The following MAN1A2 variants were observed in gnomAD, a reference collection of about 807,000 sequenced individuals.
MAN1A2 encodes the protein mannosyl-oligosaccharide 1,2-alpha-mannosidase IB.
In MAN1A2, 26 loss-of-function variants were observed where a neutral mutation model predicts 75.7. The ratio of observed to expected loss-of-function variants is 0.34; its 90% CI spans 0.25 to 0.48. MAN1A2 has a LOEUF of 0.48. Ranked by LOEUF, MAN1A2 falls within the 20% of genes least tolerant of loss-of-function variation. The pLI, the probability that MAN1A2 is intolerant of heterozygous loss-of-function variation, is 0.99. For synonymous variants in MAN1A2, 247 were observed against 264.6 expected (o/e 0.93, Z 0.65); for missense variants, 562 against 775.5 (o/e 0.72, Z 3.27).
intron 1 of MAN1A2, among the ~76,000 whole-genome samples, chr1:117,397,884 T>C (rs1318886538): frequency 6.6e-6 from 1 of 151,966 alleles, no homozygotes; most frequent in Non-Finnish European, 1.5e-5. Context: ...ACTCCTGACC[T>C]CACGTGATCC....
intron 5 of MAN1A2, among the ~76,000 whole-genome samples, chr1:117,424,726 A>G (rs1445176445): frequency 6.6e-6 from 1 of 152,144 alleles, no homozygotes; most frequent in Non-Finnish European, 1.5e-5. Context: ...ACATACAAAC[A>G]GTAGGTCTGG....
intron 7 of MAN1A2, among the ~76,000 whole-genome samples, chr1:117,465,841 T>C (rs1345595815): frequency 6.6e-6 from 1 of 152,150 alleles, no homozygotes; most frequent in African/African-American, 2.4e-5. Flanking sequence ...AAGATATCTA[T>C]TGTGGGAACA....
At chr1:117,461,430 G>C (rs1649817810) in intron 7 of MAN1A2, among the ~76,000 whole-genome samples, 1 of 152,110 alleles carries the variant, frequency 6.6e-6, no homozygotes, top group Non-Finnish European at 1.5e-5. Context: ...ATAAAAAGGG[G>C]TTGGTTAGTG....
At chr1:117,386,566 A>G (rs1299069769) in intron 1 of MAN1A2, among the ~76,000 whole-genome samples, 1 of 152,190 alleles carries the variant, frequency 6.6e-6, no homozygotes, top group Non-Finnish European at 1.5e-5. Context: ...AAAAGTTATT[A>G]CTAGCTTCCT....
chr1:117,430,220 A>C (rs1570737866), intron 5 of MAN1A2, among the ~76,000 whole-genome samples: 2 of 96,822 alleles, frequency 2.1e-5, no homozygotes, highest in South Asian at 4.1e-4. Context: ...TGACCCCCCC[A>C]CCTCCCTCCC....
At chr1:117,518,161 G>T (rs1227500138) in intron 12 of MAN1A2, among the ~76,000 whole-genome samples, 1 of 151,918 alleles carries the variant, frequency 6.6e-6, no homozygotes, top group Admixed American at 6.6e-5. Context: ...AAGCTCGTCT[G>T]ATTACCCAGT....
At chr1:117,402,002 T>C (rs1215885449) in intron 1 of MAN1A2, among the ~76,000 whole-genome samples, 184 bp from the exon 2 acceptor site, 2 of 152,282 alleles carry the variant, frequency 1.3e-5, no homozygotes, top group East Asian at 3.9e-4. Flanking sequence ...ATCTTAGGCA[T>C]CCAGGGTTCC....
chr1:117,410,917 C>T (rs2359248), intron 3 of MAN1A2, among the ~76,000 whole-genome samples: 92,270 of 151,384 alleles, frequency 0.61, 28,427 homozygotes, highest in Non-Finnish European at 0.65. Context: ...ACAGAACCTG[C>T]ACATGGAAAA....
At chr1:117,522,765 C>G in intron 12 of MAN1A2, 60 bp from the exon 13 acceptor site, 1 of 1,476,326 alleles carries the variant, frequency 6.8e-7, no homozygotes, top group Non-Finnish European at 9.3e-7. Flanking sequence ...TAAAAGTGAG[C>G]TCACTTCATG....
intron 1 of MAN1A2, among the ~76,000 whole-genome samples, chr1:117,393,724 G>A (rs933075178): frequency 5.3e-5 from 8 of 152,118 alleles, no homozygotes; most frequent in Non-Finnish European, 1.0e-4. Flanking sequence ...GAGAGTCAAT[G>A]TAAAATTCAT....
At chr1:117,483,303 G>A (rs772070349) in intron 8 of MAN1A2, among the ~76,000 whole-genome samples, 17 of 152,080 alleles carry the variant, frequency 1.1e-4, no homozygotes, top group Non-Finnish European at 2.1e-4. Flanking sequence ...GATGGAGATG[G>A]CATTGAATCT....
At chr1:117,471,485 T>C (rs1374958588) in intron 8 of MAN1A2, among the ~76,000 whole-genome samples, 1 of 151,906 alleles carries the variant, frequency 6.6e-6, no homozygotes, top group Middle Eastern at 3.2e-3. Context: ...TTAATCAATT[T>C]CTGAATATCA....
At position 117,431,253 on chromosome 1, in the gene MAN1A2, A is replaced by G. The variant is rs1414399154; in HGVS notation, c.855+10604A>G. ...AGGGGGGAGGCCTTTCATAATGAAAAAAAGGATCCATTCATTAGAAAGACA... is the reference window on the plus strand; with the variant it reads ...AGGGGGGAGGCCTTTCATAATGAAAGAAAGGATCCATTCATTAGAAAGACA... On this transcript the variant is annotated intron_variant, in intron 5 of 12. Transcript: ENST00000356554. 2.8e-5 allele frequency among the ~76,000 whole-genome samples: 4 copies of G among 145,226 alleles called. No individual in the cohort carries two copies. The East Asian group carries it at 8.6e-4, about 31-fold the overall frequency.
chr1:117,373,484 G>GTTT (rs34482916), intron 1 of MAN1A2, among the ~76,000 whole-genome samples: 19 of 113,356 alleles, frequency 1.7e-4, no homozygotes, highest in African/African-American at 3.9e-4. Flanking sequence ...TGCTGCATTT[G>GTTT]TTTTTTTTTT....
At chr1:117,449,984 T>A (rs936768327) in intron 6 of MAN1A2, among the ~76,000 whole-genome samples, 1 of 152,144 alleles carries the variant, frequency 6.6e-6, no homozygotes, top group African/African-American at 2.4e-5. Flanking sequence ...AAGCAGCAAG[T>A]ACCAGTAGAG....
At chr1:117,449,223 TCAAGAGA>T (rs760618396) in intron 6 of MAN1A2, among the ~76,000 whole-genome samples, 74 of 151,680 alleles carry the variant, frequency 4.9e-4, no homozygotes, top group Non-Finnish European at 9.9e-4. Context: ...CTTGATGTAT[TCAAGAGA>T]CAAGAAGAAT....
At chr1:117,371,350 G>T (rs1369472197) in intron 1 of MAN1A2, among the ~76,000 whole-genome samples, 1 of 152,108 alleles carries the variant, frequency 6.6e-6, no homozygotes. Context: ...TTCAATCTAG[G>T]GAGAGATGAT....
intron 8 of MAN1A2, among the ~76,000 whole-genome samples, chr1:117,479,475 A>T (rs565846235): frequency 1.2e-4 from 18 of 152,006 alleles, no homozygotes; most frequent in African/African-American, 4.1e-4. Flanking sequence ...AATGGGGATT[A>T]CTGGGTCAAA....
rs572976423 is a variant in MAN1A2 at position 117,499,488 on chromosome 1, C to T, written c.1611C>T (p.Thr537=). ...YYILRPEVIE[T]YWYLWRFTHD... is the part of the protein sequence containing the mutation. ...TCCTCCGTCCAGAAGTAATTGAAAC[C>T]TATTGGTACCTATGGCGATTCACTC... The change falls in exon 11 of 13, where the codon ACC becomes ACT. Residue 537 remains threonine (T), a synonymous_variant. Coordinates refer to ENST00000356554, the MANE Select transcript of MAN1A2 (RefSeq NM_006699.5). 1.9e-5 allele frequency: 31 copies of T among 1,608,910 alleles called. No individual in the cohort carries two copies. In the East Asian group the frequency reaches 6.5e-4, roughly 34 times the overall value.
Sources: gnomAD v4.1 joint callset for allele counts (sites outside exome capture counted in the v4.1 genomes callset) on GRCh38, gnomAD v4.1.1 for gene constraint, MANE v1.5 for transcripts, NCBI Gene and HGNC (gene_info 2026-07-23, HGNC 2026-07-21) for gene names.